The following RLF variants were observed in gnomAD, a reference collection of about 807,000 sequenced individuals.
RLF encodes RLF zinc finger.
Under a neutral mutation model 162.9 loss-of-function variants are expected in RLF, and 7 were observed. The ratio of observed to expected loss-of-function variants is 0.04; its 90% CI spans 0.02 to 0.08. RLF has a LOEUF of 0.08. RLF is among the 10% of genes least tolerant of loss of function. The probability of loss-of-function intolerance (pLI) is 1.00; values close to 1 mark genes in which losing one functional copy is unlikely to be tolerated. For synonymous variants in RLF, 782 were observed against 791.5 expected (o/e 0.99, Z 0.20); for missense variants, 1,664 against 2,244.7 (o/e 0.74, Z 5.23).
intron 5 of RLF, among the ~76,000 whole-genome samples, chr1:40,203,084 A>G (rs1642740073): frequency 6.8e-6 from 1 of 147,482 alleles, no homozygotes; most frequent in African/African-American, 2.5e-5. Flanking sequence ...GCCAAACTGG[A>G]TATCATGGAA....
intron 5 of RLF, among the ~76,000 whole-genome samples, chr1:40,211,917 T>C (rs1454974381): frequency 6.6e-6 from 1 of 152,198 alleles, no homozygotes; most frequent in African/African-American, 2.4e-5. Flanking sequence ...GCATGAGCCA[T>C]CACGCCCAGC....
intron 6 of RLF, among the ~76,000 whole-genome samples, chr1:40,228,154 G>T (rs925218466): frequency 2.0e-5 from 3 of 150,720 alleles, no homozygotes; most frequent in Non-Finnish European, 4.4e-5. Flanking sequence ...GCATAGTTGC[G>T]TGCGCCTGTA....
intron 6 of RLF, among the ~76,000 whole-genome samples, chr1:40,225,578 CAAA>C (rs537934926): frequency 1.1e-4 from 9 of 83,054 alleles, no homozygotes; most frequent in Non-Finnish European, 1.6e-4. Context: ...GACTCTGTCT[CAAA>C]AAAAAAAAAA....
chr1:40,203,543 C>CA (rs1277133579), intron 5 of RLF, among the ~76,000 whole-genome samples: 2 of 147,578 alleles, frequency 1.4e-5, no homozygotes, highest in East Asian at 2.0e-4. Context: ...GACTCCATCT[C>CA]AAAAAAACAA....
At chr1:40,193,144 AAAG>A (rs1344091882) in intron 3 of RLF, among the ~76,000 whole-genome samples, 2 of 151,916 alleles carry the variant, frequency 1.3e-5, no homozygotes, top group South Asian at 2.1e-4. Context: ...AAAAAAAAAA[AAAG>A]AGCATCTTGT....
chr1:40,193,217 G>A (rs1642584759), intron 3 of RLF, among the ~76,000 whole-genome samples: 1 of 150,152 alleles, frequency 6.7e-6, no homozygotes, highest in Admixed American at 6.7e-5. Flanking sequence ...ACCTTAAAAA[G>A]AAACAAATTG....
intron 5 of RLF, among the ~76,000 whole-genome samples, chr1:40,206,039 CA>C (rs1010717417): frequency 6.6e-6 from 1 of 152,072 alleles, no homozygotes; most frequent in African/African-American, 2.4e-5. Flanking sequence ...GTCTGACTCC[CA>C]AAAGTTTTCT....
At chr1:40,208,775 C>T (rs1402530719) in intron 5 of RLF, among the ~76,000 whole-genome samples, 1 of 152,182 alleles carries the variant, frequency 6.6e-6, no homozygotes, top group African/African-American at 2.4e-5. Flanking sequence ...TGAGATCACA[C>T]CACTGCACTG....
Position 40,238,982 on chromosome 1 carries a change from A to C in RLF, c.4280A>C (p.His1427Pro). ...TATACATTCAACAAGTTGAAGCACCACTTGATGGAACAGCATAATATTGAA... is the reference window on the plus strand; with the variant it reads ...TATACATTCAACAAGTTGAAGCACCCCTTGATGGAACAGCATAATATTGAA... Reference protein sequence around the residue: ...VFYTFNKLKHHLMEQHNIEGE... With the variant: ...VFYTFNKLKHPLMEQHNIEGE... The change falls in exon 8 of 8, where the codon CAC becomes CCC. Residue 1427 changes from histidine (H) to proline (P), a missense_variant. This residue lies in a region of RLF where 200 missense variants were observed against 207.3 expected (regional missense o/e 0.96). Transcript: ENST00000372771. This position sits in a 1 kb window ranked among gnomAD's most constrained non-coding sequence, Gnocchi z 5.2. 6.2e-7 allele frequency: 1 copy of C among 1,614,196 alleles called. No homozygotes were observed. Among genetic ancestry groups the C allele is most frequent in the Non-Finnish European group, 8.5e-7 (1 of 1,180,018 alleles).
chr1:40,165,259 CAGG>C (rs528850698), intron 1 of RLF, among the ~76,000 whole-genome samples: 6 of 152,184 alleles, frequency 3.9e-5, no homozygotes, highest in Non-Finnish European at 7.3e-5. Context: ...TACTCCTATT[CAGG>C]AGTTCTTTAC....
intron 1 of RLF, among the ~76,000 whole-genome samples, chr1:40,169,476 CGCGGTGG>C (rs1255567422): frequency 5.6e-4 from 84 of 150,678 alleles, no homozygotes; most frequent in African/African-American, 2.0e-3. Context: ...ATTAGCCGGG[CGCGGTGG>C]CGGGCGCCTG....
intron 7 of RLF, among the ~76,000 whole-genome samples, chr1:40,234,402 C>G (rs1356719213): frequency 6.6e-6 from 1 of 152,130 alleles, no homozygotes; most frequent in African/African-American, 2.4e-5. Flanking sequence ...AGTAGGGGTT[C>G]TGTAAATCAA....
chr1:40,230,733 G>T (rs565685090), intron 6 of RLF, among the ~76,000 whole-genome samples: 3 of 151,938 alleles, frequency 2.0e-5, no homozygotes, highest in African/African-American at 4.8e-5. Context: ...CGCCATGCCC[G>T]GCCTCTTTTT....
At chr1:40,170,744 A>C (rs1642232988) in intron 1 of RLF, among the ~76,000 whole-genome samples, 1 of 152,244 alleles carries the variant, frequency 6.6e-6, no homozygotes, top group Non-Finnish European at 1.5e-5. Flanking sequence ...TATTTGTTAC[A>C]TATGAAAAAT....
At chr1:40,204,950 A>G (rs1482555349) in intron 5 of RLF, among the ~76,000 whole-genome samples, 5 of 152,208 alleles carry the variant, frequency 3.3e-5, no homozygotes, top group African/African-American at 9.7e-5. Flanking sequence ...CTATGAATGT[A>G]CATCTTCTCT....
intron 5 of RLF, among the ~76,000 whole-genome samples, chr1:40,203,913 T>C (rs1259016666): frequency 1.3e-5 from 2 of 152,190 alleles, no homozygotes; most frequent in African/African-American, 4.8e-5. Flanking sequence ...AATCAAGATC[T>C]ATTGATCTTG....
intron 1 of RLF, among the ~76,000 whole-genome samples, chr1:40,172,888 GT>G (rs2124525931): frequency 6.6e-6 from 1 of 152,274 alleles, no homozygotes; most frequent in South Asian, 2.1e-4. Context: ...TTGAGAGAAT[GT>G]TTAAGTTTTG....
At chr1:40,233,919 C>T (rs571802965) in intron 7 of RLF, among the ~76,000 whole-genome samples, 4 of 152,172 alleles carry the variant, frequency 2.6e-5, no homozygotes, top group Non-Finnish European at 5.9e-5. Context: ...TTTTCACCTA[C>T]CAGTCCACAT....
chr1:40,213,477 C>G (rs1459355196), intron 5 of RLF, among the ~76,000 whole-genome samples: 1 of 152,178 alleles, frequency 6.6e-6, no homozygotes, highest in Non-Finnish European at 1.5e-5. Flanking sequence ...TAGTACTGGT[C>G]TGTAGCATTA....
Sources: allele counts gnomAD v4.1 joint callset (sites outside exome capture counted in the v4.1 genomes callset), GRCh38; gene constraint gnomAD v4.1.1; regional missense constraint gnomAD v4.1.1; non-coding constraint Gnocchi (gnomAD v3.1); transcripts MANE v1.5; gene names NCBI Gene and HGNC (gene_info 2026-07-23, HGNC 2026-07-21).